SCN4A: variants seen among roughly 807,000 people sequenced by gnomAD.
SCN4A encodes the protein sodium channel protein type 4 subunit alpha.
In SCN4A, 83 loss-of-function variants were observed where a neutral mutation model predicts 162.0. That is an observed-to-expected ratio of 0.51 (90% confidence interval 0.43 to 0.61). The LOEUF (loss-of-function observed/expected upper bound fraction) is 0.61, where lower values mean the gene tolerates loss of function less well. Among genes scored for constraint, SCN4A ranks in the 20% least tolerant of loss-of-function variants. The pLI, the probability that SCN4A is intolerant of heterozygous loss-of-function variation, is 0.00. For missense variants in SCN4A, 2,196 were observed against 2,462.5 expected, an observed-to-expected ratio of 0.89 and a Z score of 2.29; for synonymous variants, 944 against 985.1, an observed-to-expected ratio of 0.96 and a Z score of 0.78.
rs759549346 is a variant in SCN4A at position 63,947,028 on chromosome 17, G to T, written c.3441+17C>A. The T allele has an allele frequency of 2.5e-6, 4 of 1,599,166 alleles. No homozygotes were observed. In the East Asian group the frequency reaches 9.0e-5, roughly 36 times the overall value. ...CCCCCATCCCCAGCCCACCCCAGAG[G>T]CCCCTTCAGCACCCACCCTCATGCC... On this transcript the variant is annotated intron_variant, in intron 18 of 23. Coordinates refer to ENST00000435607, the MANE Select transcript of SCN4A (RefSeq NM_000334.4).
rs1909239688 is a variant in SCN4A at position 63,961,185 on chromosome 17, C to T, written c.1845+8G>A. 1 of 1,415,156 alleles carries T rather than the reference C, an allele frequency of 7.1e-7. No homozygotes were observed. Among genetic ancestry groups the T allele is most frequent in the Non-Finnish European group, 1.0e-6 (1 of 1,004,396 alleles). The allele number at this position is 1,415,156 out of a possible 1,614,324, so 87.7% of individuals were successfully genotyped here. A position where few individuals can be genotyped will look rare whatever the true frequency, so the allele number is the denominator to read the frequency against. On this transcript the variant is annotated splice_region_variant and intron_variant, in intron 11 of 23. Coordinates refer to ENST00000435607, the MANE Select transcript of SCN4A (RefSeq NM_000334.4). ...CCATGAATGATCCCCTCCCCCGCCC[C>T]TCCCTACCAGGTTGCCCACAGTGAG...
rs1908894750 is a variant in SCN4A at position 63,951,154 on chromosome 17, C to A, written c.2853+270G>T. 6.6e-6 allele frequency among the ~76,000 whole-genome samples: 1 copy of A among 152,128 alleles called. No individual in the cohort carries two copies. The highest frequency in any genetic ancestry group is 1.5e-5 in the Non-Finnish European group (1 of 68,026). ...GGCACCACCTGCTGGTGAGAGGGGC[C>A]CAGGTGTTCTGGTCCGAGGGAATCA... On this transcript the variant is annotated intron_variant, in intron 14 of 23. Coordinates refer to ENST00000435607, the MANE Select transcript of SCN4A (RefSeq NM_000334.4). This position sits in a 1 kb window ranked among gnomAD's most constrained non-coding sequence, Gnocchi z 4.5.
At chr17:63,955,094 G>T (rs1241340838) in intron 13 of SCN4A, among the ~76,000 whole-genome samples, 2 of 152,224 alleles carry the variant, frequency 1.3e-5, no homozygotes, top group Non-Finnish European at 2.9e-5. Flanking sequence ...TGATGCTGAC[G>T]TTATCATTAT....
chr17:63,945,462 C>T lies in SCN4A; in HGVS notation c.3618G>A (p.Lys1206=), dbSNP rs757658622. ...TGTGCATGAGGCTCTCGCACTCAGA[C>T]TTGTTGTTGACCTCGGAGATGTCGA... The part of the protein sequence containing the change: ...ERFDISEVNN[K]SECESLMHTG... The change falls in exon 19 of 24, where the codon AAG becomes AAA. Residue 1206 remains lysine (K), a synonymous_variant. Transcript: ENST00000435607. This position sits in a 1 kb window ranked among gnomAD's most constrained non-coding sequence, Gnocchi z 4.4. 8 of 1,613,850 alleles carry T rather than the reference C, an allele frequency of 5.0e-6. No individual in the cohort carries two copies. In the East Asian group the frequency reaches 8.9e-5, roughly 18 times the overall value.
chr17:63,964,598 A>G lies in SCN4A; in HGVS notation c.1322T>C (p.Leu441Pro). The G allele has an allele frequency of 6.2e-7, 1 of 1,613,776 alleles. No homozygotes were observed. The highest frequency in any genetic ancestry group is 8.5e-7 in the Non-Finnish European group (1 of 1,179,808). Residue 441 changes from leucine to proline, a missense_variant, in exon 9 of 24, where the codon CTG becomes CCG. By Grantham distance (98) the Leu-to-Pro change is moderately conservative. Coordinates refer to ENST00000435607, the MANE Select transcript of SCN4A (RefSeq NM_000334.4). ...IFLGSFYLINLILAVVAMAYA... is the reference protein window; with the variant it reads ...IFLGSFYLINPILAVVAMAYA... ...TGCCATGGCCACCACGGCCAGGATC[A>G]GATTGATGAGGTAGAAAGAGCCCAG...
intron 13 of SCN4A, among the ~76,000 whole-genome samples, chr17:63,953,310 A>G (rs1490029026): frequency 2.6e-5 from 4 of 151,942 alleles, no homozygotes; most frequent in Non-Finnish European, 5.9e-5. Flanking sequence ...CAGTGAGTCG[A>G]GATCACGCCA....
Position 63,944,824 on chromosome 17 carries a change from A to G in SCN4A, c.3775-14T>C, listed in dbSNP as rs778524002. The G allele has an allele frequency of 3.1e-6, 5 of 1,612,656 alleles. No homozygotes were observed. Among genetic ancestry groups the G allele is most frequent in the Non-Finnish European group, 4.2e-6 (5 of 1,179,096 alleles). Reference sequence around the variant, plus strand: ...CTGCTCCTCCTTCTGTGGGAGCCACAGGGTGGGACGGCGTGGGTTTGCACG... The same window carrying G: ...CTGCTCCTCCTTCTGTGGGAGCCACGGGGTGGGACGGCGTGGGTTTGCACG... On this transcript the variant is annotated splice_polypyrimidine_tract_variant and intron_variant, in intron 20 of 23. Coordinates refer to ENST00000435607, the MANE Select transcript of SCN4A (RefSeq NM_000334.4). This position sits in a 1 kb window ranked among gnomAD's most constrained non-coding sequence, Gnocchi z 4.3.
chr17:63,940,700 C>G lies in SCN4A; in HGVS notation c.*71G>C. On this transcript the variant is annotated 3_prime_UTR_variant, in exon 24 of 24. Coordinates refer to ENST00000435607, the MANE Select transcript of SCN4A (RefSeq NM_000334.4). ...AGATTCAAAGCCCTCCTCCCTCACT[C>G]TGTGTGCAGGCACCACGGGGGAGCT... 3 of 1,496,336 alleles carry G rather than the reference C, an allele frequency of 2.0e-6. No individual in the cohort carries two copies. The highest frequency in any genetic ancestry group is 1.4e-5 in the African/African-American group (1 of 70,976). The allele number at this position is 1,496,336 out of a possible 1,614,324, so 92.7% of individuals were successfully genotyped here. A position where few individuals can be genotyped will look rare whatever the true frequency, so the allele number is the denominator to read the frequency against.
chr17:63,953,815 T>C (rs765805028), intron 13 of SCN4A, among the ~76,000 whole-genome samples: 22 of 152,276 alleles, frequency 1.4e-4, no homozygotes, highest in Admixed American at 4.6e-4. Context: ...AGAGGTGGCG[T>C]GGCCTGCTCT....
chr17:63,941,908 G>A lies in SCN4A; in HGVS notation c.4374C>T (p.Val1458=), dbSNP rs761695262. The part of the protein sequence containing the change: ...RVIRLARIGR[V]LRLIRGAKGI... The stretch of plus-strand genomic sequence containing the variant: ...CCTTGGCCCCGCGGATCAGCCGCAG[G>A]ACACGCCCAATCCGCGCCAGGCGGA... The change falls in exon 24 of 24, where the codon GTC becomes GTT. Residue 1458 remains valine (V), a synonymous_variant. Transcript: ENST00000435607. This position sits in a 1 kb window ranked among gnomAD's most constrained non-coding sequence, Gnocchi z 6.2. 2.5e-6 allele frequency: 4 copies of A among 1,612,308 alleles called. No homozygotes were observed. The East Asian group carries it at 6.7e-5, about 27-fold the overall frequency.
chr17:63,947,082 C>T lies in SCN4A; in HGVS notation c.3404G>A (p.Arg1135His), dbSNP rs527236150. 4 of 1,613,228 alleles carry T rather than the reference C, an allele frequency of 2.5e-6. No homozygotes were observed. The highest frequency in any genetic ancestry group is 2.2e-5 in the East Asian group (1 of 44,854). Residue 1135 changes from arginine to histidine, a missense_variant, in exon 18 of 24, where the codon CGT becomes CAT. Physicochemically the swap from Arg to His is conservative, Grantham distance 29. Coordinates refer to ENST00000435607, the MANE Select transcript of SCN4A (RefSeq NM_000334.4). Reference protein sequence around the residue: ...IKSLRTLRALRPLRALSRFEG... With the variant: ...IKSLRTLRALHPLRALSRFEG... ...GAATCGGGACAGTGCCCTCAGGGGA[C>T]GCAGGGCCCGCAGTGTCCGCAGGGA...
chr17:63,959,301 G>T lies in SCN4A; in HGVS notation c.1983C>A (p.Asn661Lys), dbSNP rs370216331. 3 of 1,613,946 alleles carry T rather than the reference G, an allele frequency of 1.9e-6. No homozygotes were observed. Among genetic ancestry groups the T allele is most frequent in the African/African-American group, 2.7e-5 (2 of 75,024 alleles). ...TLSLVELGLA[N>K]VQGLSVLRSF... Reference sequence around the variant, plus strand: ...AGCGTAGCACAGACAGTCCCTGTACGTTGGCCAGGCCTAGCTCTACCAGGC... The same window carrying T: ...AGCGTAGCACAGACAGTCCCTGTACTTTGGCCAGGCCTAGCTCTACCAGGC... Residue 661 changes from asparagine to lysine, a missense_variant, in exon 12 of 24, where the codon AAC (asparagine) becomes AAA (lysine). Physicochemically the swap from Asn to Lys is moderately conservative, Grantham distance 94. Coordinates refer to ENST00000435607, the MANE Select transcript of SCN4A (RefSeq NM_000334.4).
Position 63,951,454 on chromosome 17 carries a change from G to A in SCN4A, c.2823C>T (p.Thr941=), listed in dbSNP as rs751382795. Residue 941 remains threonine (T), a synonymous_variant, in exon 14 of 24, where the codon ACC becomes ACT. Transcript: ENST00000435607. This position sits in a 1 kb window ranked among gnomAD's most constrained non-coding sequence, Gnocchi z 4.5. ...SDLEMPTEEE[T]DTFSEPEDSK... is the part of the protein sequence containing the mutation. ...TATCCTCAGGCTCTGAGAAAGTGTCGGTTTCCTCCTCGGTGGGCATCTCCA... is the reference window on the plus strand; with the variant it reads ...TATCCTCAGGCTCTGAGAAAGTGTCAGTTTCCTCCTCGGTGGGCATCTCCA... The A allele has an allele frequency of 1.4e-5, 23 of 1,605,766 alleles. No homozygotes were observed. Among genetic ancestry groups the A allele is most frequent in the Middle Eastern group, 1.7e-4 (1 of 6,052 alleles).
chr17:63,944,646 G>A lies in SCN4A; in HGVS notation c.3912+27C>T. On this transcript the variant is annotated intron_variant, in intron 21 of 23. Coordinates refer to ENST00000435607, the MANE Select transcript of SCN4A (RefSeq NM_000334.4). The surrounding 1 kb of genome is among the most constrained non-coding windows in gnomAD (Gnocchi z 4.3). ...CAGGAGGGAGGCCCAGCACCGGGAG[G>A]GCCCGAGGGGCTGGGCTGATACTCA... is the stretch of plus-strand genomic sequence containing the variant. 1.9e-6 allele frequency: 3 copies of A among 1,581,082 alleles called. No homozygotes were observed. The highest frequency in any genetic ancestry group is 2.6e-6 in the Non-Finnish European group (3 of 1,162,926).
intron 11 of SCN4A, 136 bp from the exon 12 acceptor site, chr17:63,959,574 A>T (rs1909180824): frequency 3.9e-6 from 3 of 778,288 alleles, no homozygotes; most frequent in South Asian, 3.2e-5. Flanking sequence ...GAGGAGCAGG[A>T]GTGGCATGCA....
At chr17:63,956,782 A>G (rs1909082129) in intron 13 of SCN4A, among the ~76,000 whole-genome samples, 1 of 152,234 alleles carries the variant, frequency 6.6e-6, no homozygotes, top group African/African-American at 2.4e-5. Flanking sequence ...TGGGACTGGA[A>G]TGTGGGTCTG....
chr17:63,952,690 G>A (rs1269819949), intron 13 of SCN4A, among the ~76,000 whole-genome samples: 2 of 151,958 alleles, frequency 1.3e-5, no homozygotes, highest in Admixed American at 6.6e-5. Context: ...TGGGGTTTCC[G>A]ACTCCATCTA....
intron 18 of SCN4A, among the ~76,000 whole-genome samples, chr17:63,946,611 T>C (rs1444344911): frequency 6.6e-6 from 1 of 152,006 alleles, no homozygotes; most frequent in Non-Finnish European, 1.5e-5. Flanking sequence ...AGGGGAAGGC[T>C]CAGAGCCAGG....
In SCN4A at chr17:63,972,024, C is replaced by A; in HGVS notation, c.482+112G>T. The stretch of plus-strand genomic sequence containing the variant: ...AGGGACTCAAGGTGTGGATGAGGGT[C>A]ACAATGACAGTGTGTCTCCCTGAAA... On this transcript the variant is annotated intron_variant, in intron 3 of 23. Transcript: ENST00000435607. The surrounding 1 kb of genome is among the most constrained non-coding windows in gnomAD (Gnocchi z 4.3). 9.4e-7 allele frequency: 1 copy of A among 1,067,912 alleles called. No individual in the cohort carries two copies. The highest frequency in any genetic ancestry group is 1.4e-5 in the South Asian group (1 of 71,644). The allele number at this position is 1,067,912 out of a possible 1,614,324, so 66.2% of individuals were successfully genotyped here.
Sources: gnomAD v4.1 joint callset for allele counts (sites outside exome capture counted in the v4.1 genomes callset) on GRCh38, gnomAD v4.1.1 for gene constraint, Gnocchi (gnomAD v3.1) non-coding constraint, MANE v1.5 for transcripts, NCBI Gene and HGNC (gene_info 2026-07-23, HGNC 2026-07-21) for gene names.